Variants in DNHD1 observed in about 807,000 individuals in gnomAD.
The protein encoded by DNHD1 is dynein heavy chain domain-containing protein 1.
A neutral mutation model predicts 458.1 loss-of-function variants in DNHD1; 383 were observed. The ratio of observed to expected loss-of-function variants is 0.84; its 90% CI spans 0.77 to 0.91. The LOEUF is 0.91. Ranked by LOEUF, DNHD1 falls within the 40% of genes least tolerant of loss-of-function variation. The pLI, the probability that DNHD1 is intolerant of heterozygous loss-of-function variation, is 0.00. For synonymous variants in DNHD1, 2,203 were observed against 2,376.9 expected, an observed-to-expected ratio of 0.93 and a Z score of 2.13; for missense variants, 5,336 against 5,866.1, an observed-to-expected ratio of 0.91 and a Z score of 2.95.
chr11:6,534,489 A>G (rs996096289), intron 14 of DNHD1, among the ~76,000 whole-genome samples: 12 of 152,204 alleles, frequency 7.9e-5, no homozygotes, highest in African/African-American at 2.7e-4. Flanking sequence ...TTCTCCTTAT[A>G]GAACGTAGCC....
In DNHD1 at chr11:6,568,232, C is replaced by T; in HGVS notation, c.12528C>T (p.Gly4176=). The T allele has an allele frequency of 6.4e-7, 1 of 1,550,428 alleles. No individual in the cohort carries two copies. The highest frequency in any genetic ancestry group is 8.7e-7 in the Non-Finnish European group (1 of 1,145,928). ...ELLQLLLELL[G]RAKVVADLES... ...TACAGCTCTTGCTGGAACTGTTAGGCAGAGCCAAGGGTGAGTTTATTGCCT... is the reference window on the plus strand; with the variant it reads ...TACAGCTCTTGCTGGAACTGTTAGGTAGAGCCAAGGGTGAGTTTATTGCCT... Residue 4176 remains glycine (G), a synonymous_variant, in exon 37 of 43, where the codon GGC becomes GGT. Transcript: ENST00000254579.
At chr11:6,516,333 G>A (rs1317256104) in intron 7 of DNHD1, among the ~76,000 whole-genome samples, 7 of 128,704 alleles carry the variant, frequency 5.4e-5, no homozygotes, top group African/African-American at 9.0e-5. Context: ...CATTCTTGTC[G>A]CCTAGGCTGG....
chr11:6,566,057 C>G, intron 33 of DNHD1, 66 bp downstream of exon 33: 1 of 1,514,214 alleles, frequency 6.6e-7, no homozygotes, highest in South Asian at 1.2e-5. Flanking sequence ...CCCCACAGGC[C>G]TCCCACACCT....
In DNHD1 at chr11:6,538,370, C is replaced by T. The variant is rs1050788365; in HGVS notation, c.2999-13C>T. ...GCAAGTAGCCCAGGTCTCAAGTCAG[C>T]CCTCCCCCACAGAGGATGAGACTCC... On this transcript the variant is annotated splice_polypyrimidine_tract_variant and intron_variant, in intron 14 of 42. Coordinates refer to ENST00000254579, the MANE Select transcript of DNHD1 (RefSeq NM_144666.3). 8 of 1,551,504 alleles carry T rather than the reference C, an allele frequency of 5.2e-6. No homozygotes were observed. In the African/African-American group the frequency reaches 8.2e-5, roughly 16 times the overall value.
rs368377595 is a variant in DNHD1 at position 6,533,705 on chromosome 11, G to A, written c.2530G>A (p.Val844Ile). The stretch of plus-strand genomic sequence containing the variant: ...GTTGAATGAAGCCAATGAACAGTAC[G>A]TCGAGCTGGAGGAGCGAATGGAATA... ...QKLNEANEQY[V>I]ELEERMEYVR... The change falls in exon 14 of 43, where the codon GTC (valine) becomes ATC (isoleucine). Residue 844 changes from valine to isoleucine, a missense_variant. By Grantham distance (29) the Val-to-Ile change is conservative. This residue lies in a region of DNHD1 where 3,932 missense variants were observed against 4,365.6 expected (regional missense o/e 0.90). Coordinates refer to ENST00000254579, the MANE Select transcript of DNHD1 (RefSeq NM_144666.3). 1.1e-4 allele frequency: 176 copies of A among 1,550,742 alleles called. No individual in the cohort carries two copies. Among genetic ancestry groups the A allele is most frequent in the Middle Eastern group, 1.7e-4 (1 of 6,008 alleles).
At chr11:6,569,436 T>C (rs534748235) in intron 39 of DNHD1, among the ~76,000 whole-genome samples, 37 of 151,564 alleles carry the variant, frequency 2.4e-4, no homozygotes, top group Middle Eastern at 3.4e-3. Flanking sequence ...TGAGCCGAGA[T>C]TGCACCACTG....
chr11:6,538,610 A>C lies in DNHD1; in HGVS notation c.3127-2A>C. 1.9e-6 allele frequency: 3 copies of C among 1,546,636 alleles called. No individual in the cohort carries two copies. Among genetic ancestry groups the C allele is most frequent in the Non-Finnish European group, 2.6e-6 (3 of 1,143,690 alleles). ...GCTGACAGTGAGCCCTTCTCCCTGC[A>C]GTTCAGCCCAGCTATGGCCCAGGAG... On this transcript the variant is annotated splice_acceptor_variant, in intron 15 of 42. Transcript: ENST00000254579. LOFTEE classifies it high-confidence loss of function.
At position 6,547,620 on chromosome 11, in the gene DNHD1, G is replaced by T. The variant is rs1853252259; in HGVS notation, c.6681G>T (p.Leu2227=). The T allele has an allele frequency of 1.3e-6, 2 of 1,538,626 alleles. No individual in the cohort carries two copies. Among genetic ancestry groups the T allele is most frequent in the Non-Finnish European group, 1.8e-6 (2 of 1,137,198 alleles). Residue 2227 remains leucine (L), a synonymous_variant, in exon 21 of 43, where the codon CTG becomes CTT. Coordinates refer to ENST00000254579, the MANE Select transcript of DNHD1 (RefSeq NM_144666.3). The stretch of plus-strand genomic sequence containing the variant: ...GCATGGCACGCATCTTGCATAGTCT[G>T]CTTGACCTCCACCTTCGCCTAAAGG... ...VTSMARILHS[L]LDLHLRLKEE... is the part of the protein sequence containing the mutation.
In DNHD1 at chr11:6,571,086, C is replaced by T. The variant is rs1211850835; in HGVS notation, c.13574C>T (p.Ala4525Val). The T allele has an allele frequency of 1.9e-6, 3 of 1,589,386 alleles. No individual in the cohort carries two copies. The highest frequency in any genetic ancestry group is 2.6e-6 in the Non-Finnish European group (3 of 1,167,884). ...PCPSRRCAAVAHALWTGRLPL... is the reference protein window; with the variant it reads ...PCPSRRCAAVVHALWTGRLPL... ...CCCTCCCGCCGCTGTGCTGCGGTGG[C>T]CCACGCTCTCTGGACTGGCCGCCTA... Residue 4525 changes from alanine (A) to valine (V), a missense_variant, in exon 42 of 43, where the codon GCC becomes GTC. Transcript: ENST00000254579. This position sits in a 1 kb window ranked among gnomAD's most constrained non-coding sequence, Gnocchi z 5.0.
Position 6,557,802 on chromosome 11 carries a change from T to C in DNHD1, c.8507T>C (p.Leu2836Ser), listed in dbSNP as rs1853500373. ...ILGPNSETPNLYLERQWEKLE... is the reference protein window; with the variant it reads ...ILGPNSETPNSYLERQWEKLE... ...GGGCCTAACTCTGAGACCCCCAACT[T>C]GTACCTGGAACGACAGTGGGAGAAG... The change falls in exon 25 of 43, where the codon TTG (leucine) becomes TCG (serine). Residue 2836 changes from leucine to serine, a missense_variant. By Grantham distance (145) the Leu-to-Ser change is moderately radical. Transcript: ENST00000254579. The C allele has an allele frequency of 2.6e-6, 4 of 1,551,348 alleles. No homozygotes were observed. The highest frequency in any genetic ancestry group is 3.5e-6 in the Non-Finnish European group (4 of 1,146,976).
rs61735751 is a variant in DNHD1 at position 6,545,866 on chromosome 11, C to T, written c.4927C>T (p.Leu1643=). ...LSPAACWIDV[L]GRSFLYNYEY... ...ACCAGCGGCATGCTGGATAGATGTG[C>T]TAGGCAGGTCCTTCCTGTACAATTA... Residue 1643 remains leucine, a synonymous_variant, in exon 21 of 43, where the codon CTA becomes TTA. Transcript: ENST00000254579. The surrounding 1 kb of genome is among the most constrained non-coding windows in gnomAD (Gnocchi z 4.9). 0.053 allele frequency: 82,290 copies of T among 1,551,792 alleles called. 2,566 individuals carry two copies. Among genetic ancestry groups the T allele is most frequent in the Non-Finnish European group, 0.063 (72,704 of 1,146,976 alleles).
chr11:6,557,979 C>T lies in DNHD1; in HGVS notation c.8684C>T (p.Thr2895Ile). The T allele has an allele frequency of 6.4e-7, 1 of 1,551,712 alleles. No homozygotes were observed. Residue 2895 changes from threonine (T) to isoleucine (I), a missense_variant, in exon 25 of 43, where the codon ACT (threonine) becomes ATT (isoleucine). Physicochemically the swap from Thr to Ile is moderately conservative, Grantham distance 89 (BLOSUM62 -1). Transcript: ENST00000254579. ...CTGCTGCTCTCGGGGGCTCTGGGTA[C>T]TGGGCGCCACACTGCCATCACTCTG... Reference protein sequence around the residue: ...HGLLLSGALGTGRHTAITLAS... With the variant: ...HGLLLSGALGIGRHTAITLAS...
intron 19 of DNHD1, 93 bp downstream of exon 19, chr11:6,544,339 A>G: frequency 7.0e-7 from 1 of 1,429,780 alleles, no homozygotes; most frequent in Non-Finnish European, 9.5e-7. Flanking sequence ...GGGTGGGAGA[A>G]GATATGAAGA....
chr11:6,524,490 G>A (rs1478891389), intron 10 of DNHD1, among the ~76,000 whole-genome samples: 1 of 151,970 alleles, frequency 6.6e-6, no homozygotes, highest in Non-Finnish European at 1.5e-5. Flanking sequence ...TTATGACACC[G>A]ACTCCATCCT....
In DNHD1 at chr11:6,557,110, C is replaced by T. The variant is rs1368712696; in HGVS notation, c.7815C>T (p.Pro2605=). 1 of 1,551,710 alleles carries T rather than the reference C, an allele frequency of 6.4e-7. No homozygotes were observed. Among genetic ancestry groups the T allele is most frequent in the South Asian group, 1.2e-5 (1 of 84,064 alleles). The stretch of plus-strand genomic sequence containing the variant: ...TACTGAGCAGCCTGCAGCTGCTGCC[C>T]AACAGAACAGGCTCCCGAGGTTTTG... ...SHLLSSLQLL[P]NRTGSRGFVD... The change falls in exon 25 of 43, where the codon CCC becomes CCT. Residue 2605 remains proline, a synonymous_variant. Transcript: ENST00000254579.
chr11:6,507,107 C>T (rs906748206), intron 4 of DNHD1, among the ~76,000 whole-genome samples: 2 of 152,162 alleles, frequency 1.3e-5, no homozygotes, highest in African/African-American at 4.8e-5. Flanking sequence ...TCATGTCATA[C>T]TCCAGTTGAT....
At position 6,565,859 on chromosome 11, in the gene DNHD1, G is replaced by C. The variant is rs557998352; in HGVS notation, c.10921G>C (p.Glu3641Gln). Residue 3641 changes from glutamate (E) to glutamine (Q), a missense_variant, in exon 33 of 43, where the codon GAG becomes CAG. Around this residue, in one of 4 missense-constraint regions of DNHD1, gnomAD observed 695 missense variants for 804.2 expected, o/e 0.86. Transcript: ENST00000254579. ...EKEQEENEEKEEEKTESQGSK... is the reference protein window; with the variant it reads ...EKEQEENEEKQEEKTESQGSK... ...AGAGCAAGAGGAAAATGAAGAGAAA[G>C]AGGAGGAGAAGACAGAGAGCCAGGG... The C allele has an allele frequency of 1.9e-6, 3 of 1,551,668 alleles. No homozygotes were observed. Among genetic ancestry groups the C allele is most frequent in the East Asian group, 2.4e-5 (1 of 40,918 alleles).
Position 6,545,312 on chromosome 11 carries a change from C to T in DNHD1, c.4373C>T (p.Ala1458Val). 6.4e-7 allele frequency: 1 copy of T among 1,551,728 alleles called. No homozygotes were observed. The highest frequency in any genetic ancestry group is 8.7e-7 in the Non-Finnish European group (1 of 1,147,010). The change falls in exon 21 of 43, where the codon GCA becomes GTA. Residue 1458 changes from alanine to valine, a missense_variant. Physicochemically the swap from Ala to Val is moderately conservative, Grantham distance 64. Around this residue, in one of 4 missense-constraint regions of DNHD1, gnomAD observed 3,932 missense variants for 4,365.6 expected, o/e 0.90. Transcript: ENST00000254579. The surrounding 1 kb of genome is among the most constrained non-coding windows in gnomAD (Gnocchi z 4.9). Reference protein sequence around the residue: ...LASLEKCLRLALVHMLQGCVA... With the variant: ...LASLEKCLRLVLVHMLQGCVA... ...TCTCTGGAGAAGTGTCTGCGCTTGGCACTGGTGCACATGCTGCAGGGCTGT... is the reference window on the plus strand; with the variant it reads ...TCTCTGGAGAAGTGTCTGCGCTTGGTACTGGTGCACATGCTGCAGGGCTGT...
At position 6,571,372 on chromosome 11, in the gene DNHD1, T is replaced by A. The variant is rs1400118432; in HGVS notation, c.13860T>A (p.Ser4620Arg). The A allele has an allele frequency of 2.5e-6, 4 of 1,612,232 alleles. No individual in the cohort carries two copies. In the South Asian group the frequency reaches 3.3e-5, roughly 13 times the overall value. Residue 4620 changes from serine to arginine, a missense_variant, in exon 42 of 43, where the codon AGT becomes AGA. Physicochemically the swap from Ser to Arg is moderately radical, Grantham distance 110. Coordinates refer to ENST00000254579, the MANE Select transcript of DNHD1 (RefSeq NM_144666.3). The surrounding 1 kb of genome is among the most constrained non-coding windows in gnomAD (Gnocchi z 5.0). ...CTGGTAGCCGAGGCTCGGTCTCCAG[T>A]CAGCTCCAGTATAAACGTCTGGAGA... is the stretch of plus-strand genomic sequence containing the variant. ...NFPGSRGSVS[S>R]QLQYKRLEMN...
Sources: allele counts gnomAD v4.1 joint callset (sites outside exome capture counted in the v4.1 genomes callset), GRCh38; gene constraint gnomAD v4.1.1; regional missense constraint gnomAD v4.1.1; non-coding constraint Gnocchi (gnomAD v3.1); transcripts MANE v1.5; gene names NCBI Gene and HGNC (gene_info 2026-07-23, HGNC 2026-07-21).